Variants in RNF38 observed in about 807,000 individuals in gnomAD.
RNF38 encodes the protein ring finger protein 38.
A neutral mutation model predicts 67.2 loss-of-function variants in RNF38; 15 were observed. The ratio of observed to expected loss-of-function variants is 0.22; its 90% confidence interval spans 0.15 to 0.34. RNF38 has a LOEUF of 0.34. Among genes scored for constraint, RNF38 ranks in the 10% least tolerant of loss-of-function variants. The probability of loss-of-function intolerance (pLI) is 1.00; values close to 1 mark genes in which losing one functional copy is unlikely to be tolerated. For missense variants in RNF38, 524 were observed against 639.9 expected, an observed-to-expected ratio of 0.82 and a Z score of 1.95; for synonymous variants, 220 against 218.8, an observed-to-expected ratio of 1.01 and a Z score of -0.05.
chr9:36,346,963 CA>C (rs1356948783), intron 9 of RNF38, among the ~76,000 whole-genome samples: 1 of 151,730 alleles, frequency 6.6e-6, no homozygotes, highest in South Asian at 2.1e-4. Flanking sequence ...ACTAAAATTA[CA>C]AAAAAATTAG....
chr9:36,476,980 G>C (rs1319578397), intron 1 of RNF38, among the ~76,000 whole-genome samples: 1 of 152,070 alleles, frequency 6.6e-6, no homozygotes, highest in Non-Finnish European at 1.5e-5. Context: ...GCAACAAAAA[G>C]GGCCACCCTT....
upstream of RNF38, among the ~76,000 whole-genome samples, chr9:36,402,723 G>A (rs2096482711): frequency 6.6e-6 from 1 of 152,172 alleles, no homozygotes; most frequent in East Asian, 1.9e-4. Flanking sequence ...TCACCTCTAA[G>A]CTTCAGCAAA....
rs976404347 is a variant in RNF38, at chr9:36,339,592, G to A, written c.*160C>T. On this transcript the variant is annotated 3_prime_UTR_variant, in exon 12 of 12. Transcript: ENST00000259605. ...AATCCCATAACTGTGAAGACTAATT[G>A]TAAGCTTTTATAGTTGATTAAGTCA... 5.1e-6 allele frequency: 3 copies of A among 592,236 alleles called. No individual in the cohort carries two copies. The highest frequency in any genetic ancestry group is 5.8e-5 in the Admixed American group (2 of 34,684). 36.7% of individuals were successfully genotyped at this position (592,236 alleles called of 1,614,324 possible).
intron 6 of RNF38, among the ~76,000 whole-genome samples, 163 bp from the exon 7 acceptor site, chr9:36,353,494 A>G (rs1350018734): frequency 4.6e-5 from 7 of 152,190 alleles, no homozygotes; most frequent in Non-Finnish European, 1.0e-4. Context: ...ACAAGTAAAC[A>G]TATAGGCTAC....
chr9:36,440,351 T>C (rs1378255244), intron 1 of RNF38, among the ~76,000 whole-genome samples: 1 of 151,848 alleles, frequency 6.6e-6, no homozygotes, highest in Non-Finnish European at 1.5e-5. Context: ...TGACCAAATG[T>C]CAAAACCCAG....
In RNF38 at chr9:36,434,214, G is replaced by A. The variant is rs376958828; in HGVS notation, n.242-9531C>T. Among the ~76,000 whole-genome samples the A allele has an allele frequency of 6.8e-4, 96 of 140,184 alleles. 1 individual carries two copies. In the South Asian group the frequency reaches 0.022, roughly 31 times the overall value. 92.0% of individuals were successfully genotyped at this position (140,184 alleles called of 152,430 possible). On this transcript the variant is annotated intron_variant and non_coding_transcript_variant, in intron 1 of 3. Transcript: ENST00000488058. Reference sequence around the variant, plus strand: ...TCGTGCCACTGCACTCCAGCTTGCCGACAGAGCGAGACTCTGCCTGAGAAA... The same window carrying A: ...TCGTGCCACTGCACTCCAGCTTGCCAACAGAGCGAGACTCTGCCTGAGAAA...
intron 1 of RNF38, among the ~76,000 whole-genome samples, chr9:36,485,494 T>G (rs936205895): frequency 6.6e-6 from 1 of 152,226 alleles, no homozygotes; most frequent in Non-Finnish European, 1.5e-5. Flanking sequence ...ACTACATTTT[T>G]GCCAACCTGA....
upstream of RNF38, among the ~76,000 whole-genome samples, chr9:36,405,702 T>C (rs920164591): frequency 6.6e-6 from 1 of 152,184 alleles, no homozygotes; most frequent in African/African-American, 2.4e-5. Context: ...TTTTCTTTAT[T>C]TCTAACTAAG....
chr9:36,342,226 G>T (rs1832908954), intron 11 of RNF38, 99 bp downstream of exon 11: 1 of 824,560 alleles, frequency 1.2e-6, no homozygotes. Flanking sequence ...TTTCCATTTT[G>T]TCTTCCTTCC....
intron 2 of RNF38, among the ~76,000 whole-genome samples, chr9:36,417,472 A>G (rs1021057271): frequency 4.6e-5 from 7 of 152,164 alleles, no homozygotes; most frequent in Non-Finnish European, 2.9e-5. Context: ...TATTTACCTA[A>G]AAGTACCAAT....
Position 36,426,703 on chromosome 9 carries a change from C to T in RNF38, n.242-2020G>A, listed in dbSNP as rs77110970. On this transcript the variant is annotated intron_variant and non_coding_transcript_variant, in intron 1 of 3. Coordinates refer to the RNF38 transcript ENST00000488058. ...AAACTGTTTTCCAAACTGACGGCAT[C>T]GTTTATAATTCCACCAGCAATATAT... Among the ~76,000 whole-genome samples the T allele has an allele frequency of 1.8e-3, 269 of 152,262 alleles. 4 individuals are homozygous for T. In the East Asian group the frequency reaches 0.039, roughly 22 times the overall value.
intron 1 of RNF38, among the ~76,000 whole-genome samples, chr9:36,433,677 A>C (rs1418521390): frequency 6.8e-6 from 1 of 146,264 alleles, no homozygotes; most frequent in Non-Finnish European, 1.5e-5. Flanking sequence ...ACAGAGTGAG[A>C]CTTCGCCTCA....
chr9:36,428,474 TAC>T (rs937172174), intron 1 of RNF38, among the ~76,000 whole-genome samples: 42 of 138,786 alleles, frequency 3.0e-4, no homozygotes, highest in African/African-American at 1.0e-3. Flanking sequence ...TATATATATA[TAC>T]ACGTATAAAT....
At chr9:36,387,832 A>T (rs1458223920) in intron 2 of RNF38, among the ~76,000 whole-genome samples, 1 of 152,182 alleles carries the variant, frequency 6.6e-6, no homozygotes, top group Non-Finnish European at 1.5e-5. Flanking sequence ...GGAAGCACAT[A>T]CAAAATATTA....
chr9:36,457,022 A>G (rs1839610645), intron 1 of RNF38, among the ~76,000 whole-genome samples: 1 of 152,100 alleles, frequency 6.6e-6, no homozygotes, highest in African/African-American at 2.4e-5. Flanking sequence ...TACTTCATCA[A>G]CACCCACATC....
upstream of RNF38, among the ~76,000 whole-genome samples, chr9:36,404,182 C>T (rs566312549): frequency 6.6e-6 from 1 of 152,320 alleles, no homozygotes; most frequent in East Asian, 1.9e-4. Context: ...ATCTACTTGA[C>T]ACAGCATCAT....
chr9:36,390,748 AATT>A, intron 1 of RNF38, 132 bp from the exon 2 acceptor site: 6 of 949,252 alleles, frequency 6.3e-6, no homozygotes. Flanking sequence ...AGAAATTAAA[AATT>A]AATTTTAAAC....
intron 9 of RNF38, among the ~76,000 whole-genome samples, chr9:36,347,144 G>A (rs1833309386): frequency 1.8e-5 from 1 of 56,418 alleles, no homozygotes; most frequent in East Asian, 6.9e-4. Context: ...GGGGGGGGGG[G>A]GGGGGAAGTA....
intron 3 of RNF38, 121 bp from the exon 4 acceptor site, chr9:36,370,053 G>T: frequency 1.3e-6 from 1 of 775,844 alleles, no homozygotes; most frequent in Non-Finnish European, 2.0e-6. Flanking sequence ...TTAAATAACT[G>T]CTAAAATTCC....
Sources: gnomAD v4.1 joint callset for allele counts (sites outside exome capture counted in the v4.1 genomes callset) on GRCh38, gnomAD v4.1.1 for gene constraint, MANE v1.5 for transcripts, NCBI Gene and HGNC (gene_info 2026-07-23, HGNC 2026-07-21) for gene names.